EHMT1: variants seen among roughly 807,000 people sequenced by gnomAD.
The protein encoded by EHMT1 is histone-lysine N-methyltransferase EHMT1.
EHMT1 carries 15 observed loss-of-function variants against 147.2 expected under a neutral mutation model. The ratio of observed to expected loss-of-function variants is 0.10; its 90% confidence interval spans 0.07 to 0.16. EHMT1 has a LOEUF of 0.16. Ranked by LOEUF, EHMT1 falls within the 10% of genes least tolerant of loss-of-function variation. The pLI is 1.00. For missense variants in EHMT1, 1,587 were observed against 1,772.4 expected, an observed-to-expected ratio of 0.90 and a Z score of 1.88; for synonymous variants, 795 against 709.6, an observed-to-expected ratio of 1.12 and a Z score of -1.91.
At chr9:137,697,126 C>T in intron 1 of EHMT1, 1 of 394,764 alleles carries the variant, frequency 2.5e-6, no homozygotes, top group Admixed American at 2.6e-5. Flanking sequence ...ACTAAAAGTG[C>T]AAAAATTAGC....
chr9:137,754,233 G>C lies in EHMT1; in HGVS notation c.1311G>C (p.Trp437Cys). 3 of 1,614,136 alleles carry C rather than the reference G, an allele frequency of 1.9e-6. No individual in the cohort carries two copies. Among genetic ancestry groups the C allele is most frequent in the Non-Finnish European group, 2.5e-6 (3 of 1,180,010 alleles). The change falls in exon 8 of 27, where the codon TGG becomes TGC. Residue 437 changes from tryptophan (W) to cysteine (C), a missense_variant. Transcript: ENST00000460843. ...LKRKGKTDSP[W>C]IKPARKRRRR... ...GGAAAGGAAAGACCGACAGTCCCTG[G>C]ATCAAGCCAGCCAGGAAAAGGAGGC...
At chr9:137,626,488 A>C (rs1474066173) in intron 1 of EHMT1, among the ~76,000 whole-genome samples, 2 of 146,822 alleles carry the variant, frequency 1.4e-5, no homozygotes, top group Admixed American at 7.0e-5. Context: ...ACACCACTGC[A>C]CTCCAGCCTG....
intron 14 of EHMT1, among the ~76,000 whole-genome samples, chr9:137,781,436 G>A (rs1420104697): frequency 6.6e-6 from 1 of 152,198 alleles, no homozygotes; most frequent in African/African-American, 2.4e-5. Flanking sequence ...TGGTGATGAC[G>A]CTGGGATATG....
chr9:137,760,499 G>T (rs1451615148), intron 9 of EHMT1, among the ~76,000 whole-genome samples: 2 of 152,188 alleles, frequency 1.3e-5, no homozygotes, highest in Non-Finnish European at 2.9e-5. Context: ...GGTCTTTAGG[G>T]GTTTGGGTGA....
chr9:137,761,154 T>C (rs1949782085), intron 9 of EHMT1, among the ~76,000 whole-genome samples: 1 of 152,196 alleles, frequency 6.6e-6, no homozygotes, highest in African/African-American at 2.4e-5. Context: ...AGGGTGAACG[T>C]GGGAGTAAAG....
At chr9:137,663,258 A>G (rs149167459) in intron 1 of EHMT1, among the ~76,000 whole-genome samples, 5 of 152,222 alleles carry the variant, frequency 3.3e-5, no homozygotes, top group Non-Finnish European at 7.4e-5. Context: ...GCTACAGCCT[A>G]TGGTTCTTGT....
chr9:137,632,415 G>A (rs773486929), intron 1 of EHMT1, among the ~76,000 whole-genome samples: 2 of 152,160 alleles, frequency 1.3e-5, no homozygotes, highest in African/African-American at 2.4e-5. Flanking sequence ...GCATGAAGAC[G>A]TAGTCTGAGT....
At chr9:137,796,664 G>A (rs1346581330) in intron 16 of EHMT1, among the ~76,000 whole-genome samples, 9 of 131,826 alleles carry the variant, frequency 6.8e-5, no homozygotes, top group South Asian at 4.9e-4. Flanking sequence ...AGATCGCACC[G>A]CTGCACTCCA....
chr9:137,695,297 G>A (rs1350271490), intron 1 of EHMT1, among the ~76,000 whole-genome samples: 1 of 152,222 alleles, frequency 6.6e-6, no homozygotes, highest in African/African-American at 2.4e-5. Flanking sequence ...CTTGGTGGCA[G>A]GTGAGCCCCA....
intron 6 of EHMT1, chr9:137,745,582 C>G (rs1286283295): frequency 1.0e-5 from 4 of 398,564 alleles, no homozygotes; most frequent in Non-Finnish European, 1.8e-5. Flanking sequence ...CAGCCCAGCC[C>G]TCCCCGAAGG....
At chr9:137,740,227 C>G (rs1425114099) in intron 4 of EHMT1, among the ~76,000 whole-genome samples, 1 of 152,126 alleles carries the variant, frequency 6.6e-6, no homozygotes, top group South Asian at 2.1e-4. Flanking sequence ...CTGGAACTGT[C>G]TGTTCCACAC....
intron 25 of EHMT1, among the ~76,000 whole-genome samples, chr9:137,818,569 C>G (rs1316743380): frequency 1.4e-5 from 2 of 139,278 alleles, no homozygotes; most frequent in African/African-American, 3.3e-5. Flanking sequence ...CGCCGTGTAC[C>G]GAGACCGTAG....
chr9:137,653,912 T>G (rs1048105374), intron 1 of EHMT1, among the ~76,000 whole-genome samples: 3 of 152,202 alleles, frequency 2.0e-5, no homozygotes, highest in African/African-American at 7.2e-5. Context: ...TCCTCCTTGA[T>G]GCATTTCTCA....
chr9:137,822,765 T>C (rs958000832), intron 25 of EHMT1, among the ~76,000 whole-genome samples: 1 of 151,926 alleles, frequency 6.6e-6, no homozygotes, highest in Non-Finnish European at 1.5e-5. Flanking sequence ...TGGTGGCGCA[T>C]GCCTGTAATC....
intron 1 of EHMT1, among the ~76,000 whole-genome samples, chr9:137,627,418 A>G (rs1843335450): frequency 6.7e-6 from 1 of 149,010 alleles, no homozygotes; most frequent in Non-Finnish European, 1.5e-5. Flanking sequence ...GCGCACCACC[A>G]CTCCGGGATA....
intron 4 of EHMT1, among the ~76,000 whole-genome samples, chr9:137,739,355 C>CA (rs58376791): frequency 0.033 from 3,074 of 94,288 alleles, 38 homozygotes; most frequent in East Asian, 0.038. Flanking sequence ...GACTCAGTCT[C>CA]AAAAAAAAAA....
chr9:137,805,480 T>C lies in EHMT1; in HGVS notation c.2712+4496T>C, dbSNP rs571491604. On this transcript the variant is annotated intron_variant, in intron 18 of 26. Transcript: ENST00000460843. ...CTCCAGGGCCCTCTCTTTTGATGCA[T>C]TGATCTGCATATCTGCCTTTAGGCA... is the stretch of plus-strand genomic sequence containing the variant. 4.6e-5 allele frequency among the ~76,000 whole-genome samples: 7 copies of C among 152,388 alleles called. No individual in the cohort carries two copies. In the East Asian group the frequency reaches 9.6e-4, roughly 21 times the overall value.
chr9:137,628,771 G>A (rs1020553156), intron 1 of EHMT1, among the ~76,000 whole-genome samples: 3 of 152,236 alleles, frequency 2.0e-5, no homozygotes, highest in Non-Finnish European at 2.9e-5. Context: ...CGAAAAGAGC[G>A]TCTGTGGCTA....
At chr9:137,633,690 A>G (rs1400973018) in intron 1 of EHMT1, among the ~76,000 whole-genome samples, 1 of 152,122 alleles carries the variant, frequency 6.6e-6, no homozygotes, top group East Asian at 1.9e-4. Flanking sequence ...CTTCCAGATC[A>G]TTCCGTCACC....
Sources: gnomAD v4.1 joint callset for allele counts (sites outside exome capture counted in the v4.1 genomes callset) on GRCh38, gnomAD v4.1.1 for gene constraint, MANE v1.5 for transcripts, NCBI Gene and HGNC (gene_info 2026-07-23, HGNC 2026-07-21) for gene names.